The following WWOX variants were observed in gnomAD, a reference collection of about 807,000 sequenced individuals.
WWOX encodes WW domain containing oxidoreductase.
In WWOX, 69 loss-of-function variants were observed where a neutral mutation model predicts 46.2. The ratio of observed to expected loss-of-function variants is 1.49; its 90% confidence interval spans 1.23 to 1.82. WWOX has a LOEUF of 1.82. WWOX is among the 40% of genes most tolerant of loss of function. WWOX has a pLI of 0.00. For synonymous variants in WWOX, 359 were observed against 202.6 expected (o/e 1.77, Z -6.56); for missense variants, 919 against 542.6 (o/e 1.69, Z -6.89).
intron 8 of WWOX, among the ~76,000 whole-genome samples, chr16:78,879,178 T>C (rs2151212820): frequency 6.6e-6 from 1 of 152,222 alleles, no homozygotes; most frequent in Non-Finnish European, 1.5e-5. Flanking sequence ...GGCAAGGAGC[T>C]CATCTTTCAC....
chr16:78,351,899 T>C (rs1384148715), intron 5 of WWOX, among the ~76,000 whole-genome samples: 1 of 152,180 alleles, frequency 6.6e-6, no homozygotes, highest in Admixed American at 6.5e-5. Context: ...TTAGGTGATA[T>C]GCGCCCCTCA....
chr16:78,160,427 C>T (rs925945532), intron 4 of WWOX, among the ~76,000 whole-genome samples: 3 of 152,072 alleles, frequency 2.0e-5, no homozygotes, highest in Admixed American at 6.6e-5. Flanking sequence ...GCCTGGTCTT[C>T]TTTTTAATAT....
At chr16:78,523,948 T>C (rs140607218) in intron 8 of WWOX, among the ~76,000 whole-genome samples, 303 of 152,360 alleles carry the variant, frequency 2.0e-3, no homozygotes, top group African/African-American at 7.0e-3. Context: ...TCCTTGTTCT[T>C]CTTTCCCTCA....
rs73566385 is a variant in WWOX, at chr16:78,172,867, G to A, written c.516+8578G>A. 8.8e-3 allele frequency among the ~76,000 whole-genome samples: 1,340 copies of A among 152,262 alleles called. 22 individuals carry two copies. Among genetic ancestry groups the A allele is most frequent in the African/African-American group, 0.031 (1,275 of 41,538 alleles). ...TTTCATGTTCAGACAGTGTTCAGCC[G>A]CCAATGGCTGAAAGGCCTGCTTTTG... On this transcript the variant is annotated intron_variant, in intron 5 of 8. Transcript: ENST00000566780.
intron 8 of WWOX, among the ~76,000 whole-genome samples, chr16:79,056,311 G>A (rs763596660): frequency 4.1e-4 from 63 of 152,114 alleles, no homozygotes; most frequent in African/African-American, 1.5e-3. Context: ...CTGAAGAAAA[G>A]TGAATTCTCA....
chr16:78,236,580 G>C (rs2037445956), intron 5 of WWOX, among the ~76,000 whole-genome samples: 1 of 152,256 alleles, frequency 6.6e-6, no homozygotes, highest in African/African-American at 2.4e-5. Flanking sequence ...TTGGATGGTG[G>C]GTTGCCCATT....
intron 8 of WWOX, among the ~76,000 whole-genome samples, chr16:78,878,908 A>AG (rs1282183267): frequency 8.1e-6 from 1 of 123,128 alleles, no homozygotes; most frequent in African/African-American, 2.6e-5. Context: ...AATGAAAAAA[A>AG]AAAAAAAAAA....
chr16:78,695,212 C>T (rs1211752241), intron 8 of WWOX, among the ~76,000 whole-genome samples: 1 of 152,032 alleles, frequency 6.6e-6, no homozygotes. Context: ...TATTAGTTCC[C>T]TTTTGTTATT....
chr16:79,018,704 C>T (rs1163844405), intron 8 of WWOX, among the ~76,000 whole-genome samples: 1 of 152,158 alleles, frequency 6.6e-6, no homozygotes, highest in Non-Finnish European at 1.5e-5. Flanking sequence ...TGAAATCAAC[C>T]AGAAAGTGAT....
At chr16:78,236,026 A>T (rs1567447290) in intron 5 of WWOX, among the ~76,000 whole-genome samples, 2 of 152,216 alleles carry the variant, frequency 1.3e-5, no homozygotes, top group Non-Finnish European at 1.5e-5. Flanking sequence ...GCAGCCACAG[A>T]TAATATATAA....
At chr16:78,789,031 T>C (rs947730889) in intron 8 of WWOX, among the ~76,000 whole-genome samples, 1 of 152,220 alleles carries the variant, frequency 6.6e-6, no homozygotes, top group African/African-American at 2.4e-5. Flanking sequence ...TTTATTCTTT[T>C]GATATCATCT....
chr16:79,157,436 A>AG (rs1491430201), intron 8 of WWOX, among the ~76,000 whole-genome samples: 266 of 135,086 alleles, frequency 2.0e-3, no homozygotes, highest in African/African-American at 9.5e-3. Context: ...AAAAAAAAAA[A>AG]GAAAGAAACC....
At chr16:78,886,643 T>C (rs949285857) in intron 8 of WWOX, among the ~76,000 whole-genome samples, 5 of 147,280 alleles carry the variant, frequency 3.4e-5, no homozygotes, top group African/African-American at 5.0e-5. Context: ...GAAAAACATA[T>C]ATATATATAT....
intron 8 of WWOX, among the ~76,000 whole-genome samples, chr16:78,811,615 C>T (rs2051191274): frequency 6.6e-6 from 1 of 152,060 alleles, no homozygotes; most frequent in African/African-American, 2.4e-5. Context: ...AGGTGATCCA[C>T]CTGCCTCAGT....
At chr16:78,878,360 C>G (rs1336099362) in intron 8 of WWOX, among the ~76,000 whole-genome samples, 1 of 152,136 alleles carries the variant, frequency 6.6e-6, no homozygotes, top group South Asian at 2.1e-4. Flanking sequence ...ATTCCTGCCC[C>G]TGTCATTGAG....
intron 8 of WWOX, among the ~76,000 whole-genome samples, chr16:78,987,663 T>G (rs2046807825): frequency 6.6e-6 from 1 of 152,224 alleles, no homozygotes; most frequent in Non-Finnish European, 1.5e-5. Flanking sequence ...ATGTCTTTGT[T>G]TCTGTACAGG....
intron 8 of WWOX, among the ~76,000 whole-genome samples, chr16:78,973,862 G>A (rs760395446): frequency 1.1e-4 from 16 of 152,296 alleles, no homozygotes; most frequent in Middle Eastern, 3.4e-3. Context: ...CTTGGAAAAC[G>A]GAAATTTCTA....
chr16:78,803,926 G>A (rs186786471), intron 8 of WWOX, among the ~76,000 whole-genome samples: 100 of 152,256 alleles, frequency 6.6e-4, no homozygotes, highest in African/African-American at 2.3e-3. Flanking sequence ...TGTGGGTGGG[G>A]GAGGTGGCCT....
At chr16:79,100,819 C>G (rs543494986) in intron 8 of WWOX, among the ~76,000 whole-genome samples, 1 of 151,952 alleles carries the variant, frequency 6.6e-6, no homozygotes, top group Admixed American at 6.6e-5. Flanking sequence ...CCAGTCTCCC[C>G]GTGGAGCACA....
Sources: allele counts gnomAD v4.1 joint callset (sites outside exome capture counted in the v4.1 genomes callset), GRCh38; gene constraint gnomAD v4.1.1; transcripts MANE v1.5; gene names NCBI Gene and HGNC (gene_info 2026-07-23, HGNC 2026-07-21).